The following SIAH2 variants were observed in gnomAD, a reference collection of about 807,000 sequenced individuals.
SIAH2 encodes the protein siah E3 ubiquitin protein ligase 2.
A neutral mutation model predicts 20.4 loss-of-function variants in SIAH2; 4 were observed. The observed-to-expected ratio is 0.20, with a 90% CI of 0.10 to 0.45. The LOEUF (loss-of-function observed/expected upper bound fraction) is 0.45. Among genes scored for constraint, SIAH2 ranks in the 20% least tolerant of loss-of-function variants. SIAH2 has a pLI of 0.99. For synonymous variants in SIAH2, 171 were observed against 192.5 expected (o/e 0.89, Z 0.93); for missense variants, 259 against 440.3 (o/e 0.59, Z 3.69).
In SIAH2 at chr3:150,762,877, G is replaced by T; in HGVS notation, c.-28C>A. 8.5e-7 allele frequency: 1 copy of T among 1,177,540 alleles called. No homozygotes were observed. The highest frequency in any genetic ancestry group is 3.7e-5 in the South Asian group (1 of 26,806). 72.9% of individuals were successfully genotyped at this position (1,177,540 alleles called of 1,614,324 possible). On this transcript the variant is annotated 5_prime_UTR_variant, in exon 1 of 2. Coordinates refer to ENST00000312960, the MANE Select transcript of SIAH2 (RefSeq NM_005067.7). This position sits in a 1 kb window ranked among gnomAD's most constrained non-coding sequence, Gnocchi z 6.6. The stretch of plus-strand genomic sequence containing the variant: ...CGCTCCGAACCAACCATGGAACTGC[G>T]GGCGCCTGCCTGCCGCGGGGCCGCC...
In SIAH2 at chr3:150,742,597, A is replaced by G. The variant is rs1322465440; in HGVS notation, c.519T>C (p.Ala173=). Residue 173 remains alanine (A), a synonymous_variant, in exon 2 of 2, where the codon GCT becomes GCC. Transcript: ENST00000312960. The surrounding 1 kb of genome is among the most constrained non-coding windows in gnomAD (Gnocchi z 4.8). ...YRPYSCPCPG[A]SCKWQGSLEA... is the part of the protein sequence containing the mutation. Reference sequence around the variant, plus strand: ...CCAGGGACCCCTGCCACTTGCAGGAAGCACCAGGACATGGGCAGGAGTAGG... The same window carrying G: ...CCAGGGACCCCTGCCACTTGCAGGAGGCACCAGGACATGGGCAGGAGTAGG... 1 of 1,613,302 alleles carries G rather than the reference A, an allele frequency of 6.2e-7. No individual in the cohort carries two copies. Among genetic ancestry groups the G allele is most frequent in the Admixed American group, 1.7e-5 (1 of 59,924 alleles).
Position 150,742,013 on chromosome 3 carries a change from G to A in SIAH2, c.*128C>T. On this transcript the variant is annotated 3_prime_UTR_variant, in exon 2 of 2. Transcript: ENST00000312960. This position sits in a 1 kb window ranked among gnomAD's most constrained non-coding sequence, Gnocchi z 4.8. ...GGTCGAAGCCAGATGGGACACTGCT[G>A]TTCAAACAAAACACGGGTAATTGTG... is the stretch of plus-strand genomic sequence containing the variant. The A allele has an allele frequency of 2.1e-6, 2 of 944,344 alleles. No individual in the cohort carries two copies. Among genetic ancestry groups the A allele is most frequent in the Non-Finnish European group, 3.1e-6 (2 of 635,444 alleles). The allele number at this position is 944,344 out of a possible 1,614,324, so 58.5% of individuals were successfully genotyped here.
At chr3:150,745,275 A>ACC (rs1237763747) in intron 1 of SIAH2, among the ~76,000 whole-genome samples, 3 of 148,416 alleles carry the variant, frequency 2.0e-5, no homozygotes, top group African/African-American at 7.6e-5. Context: ...ACACACACAC[A>ACC]CACCCCACAT....
chr3:150,741,862 G>A lies in SIAH2; in HGVS notation c.*279C>T, dbSNP rs1002272025. ...ACACACTGATCTATAGAAGCCCTGT[G>A]CAACAGCCTGTCAAGTGTTGTTTAG... On this transcript the variant is annotated 3_prime_UTR_variant, in exon 2 of 2. Transcript: ENST00000312960. The A allele has an allele frequency of 5.4e-6, 2 of 367,076 alleles. No individual in the cohort carries two copies. Among genetic ancestry groups the A allele is most frequent in the Non-Finnish European group, 9.9e-6 (2 of 201,154 alleles). 22.7% of individuals were successfully genotyped at this position (367,076 alleles called of 1,614,324 possible). A position where few individuals can be genotyped will look rare whatever the true frequency, so the allele number is the denominator to read the frequency against.
chr3:150,753,485 G>C lies in SIAH2; in HGVS notation c.417+8948C>G, dbSNP rs532496438. ...CCATTCTAAGGGAGAAAACAATTTGGTTCTACTATCAAAAAGCTTCAATTT... is the reference window on the plus strand; with the variant it reads ...CCATTCTAAGGGAGAAAACAATTTGCTTCTACTATCAAAAAGCTTCAATTT... On this transcript the variant is annotated intron_variant, in intron 1 of 1. Coordinates refer to ENST00000312960, the MANE Select transcript of SIAH2 (RefSeq NM_005067.7). Among the ~76,000 whole-genome samples, 21 of 152,300 alleles carry C rather than the reference G, an allele frequency of 1.4e-4. 1 individual carries two copies. The East Asian group carries it at 2.5e-3, about 18-fold the overall frequency.
intron 1 of SIAH2, among the ~76,000 whole-genome samples, chr3:150,747,552 G>C (rs554000510): frequency 6.6e-6 from 1 of 152,166 alleles, no homozygotes; most frequent in Non-Finnish European, 1.5e-5. Context: ...TTCTCCTTAG[G>C]GAAATATCTG....
In SIAH2 at chr3:150,762,828, C is replaced by T; in HGVS notation, c.22G>A (p.Gly8Ser). The T allele has an allele frequency of 7.4e-6, 9 of 1,217,068 alleles. No individual in the cohort carries two copies. The highest frequency in any genetic ancestry group is 9.3e-6 in the Non-Finnish European group (9 of 964,332). The allele number at this position is 1,217,068 out of a possible 1,614,324, so 75.4% of individuals were successfully genotyped here. The change falls in exon 1 of 2, where the codon GGC becomes AGC. Residue 8 changes from glycine (G) to serine (S), a missense_variant. Physicochemically the swap from Gly to Ser is moderately conservative, Grantham distance 56. Coordinates refer to ENST00000312960, the MANE Select transcript of SIAH2 (RefSeq NM_005067.7). This position sits in a 1 kb window ranked among gnomAD's most constrained non-coding sequence, Gnocchi z 6.6. ...CTGCAGGGTTTATTAGCGCTGGGGC[C>T]GGTGGAGGACGGGCGGCTCATCGCG... MSRPSST[G>S]PSANKPCSKQ...
Position 150,762,921 on chromosome 3 carries a change from GC to G in SIAH2, c.-73del. ...GGCCGCCCGGGTCAAGGCGGTGCGC[GC>G]CCCGCGGGCAGCGAGCTCCGAGGCA... On this transcript the variant is annotated 5_prime_UTR_variant, in exon 1 of 2. Coordinates refer to ENST00000312960, the MANE Select transcript of SIAH2 (RefSeq NM_005067.7). This position sits in a 1 kb window ranked among gnomAD's most constrained non-coding sequence, Gnocchi z 6.6. The G allele has an allele frequency of 8.9e-7, 1 of 1,119,702 alleles. No homozygotes were observed. Among genetic ancestry groups the G allele is most frequent in the Non-Finnish European group, 1.1e-6 (1 of 908,194 alleles). The allele number at this position is 1,119,702 out of a possible 1,614,324, so 69.4% of individuals were successfully genotyped here.
At chr3:150,751,579 CT>C (rs1222736542) in intron 1 of SIAH2, among the ~76,000 whole-genome samples, 2 of 152,208 alleles carry the variant, frequency 1.3e-5, no homozygotes, top group South Asian at 2.1e-4. Context: ...TTACTGTTCA[CT>C]TTACTAAATT....
chr3:150,757,129 G>GT (rs1714500261), intron 1 of SIAH2, among the ~76,000 whole-genome samples: 1 of 152,082 alleles, frequency 6.6e-6, no homozygotes, highest in African/African-American at 2.4e-5. Flanking sequence ...CGTCATCTCC[G>GT]TTCTTTCTAA....
In SIAH2 at chr3:150,742,044, TG is replaced by T; in HGVS notation, c.*96del. On this transcript the variant is annotated 3_prime_UTR_variant, in exon 2 of 2. Transcript: ENST00000312960. The surrounding 1 kb of genome is among the most constrained non-coding windows in gnomAD (Gnocchi z 4.8). Reference sequence around the variant, plus strand: ...ACAAAACACGGGTAATTGTGGGTCCTGACTTGTGAAGACATATGGAATAAAA... The same window carrying T: ...ACAAAACACGGGTAATTGTGGGTCCTACTTGTGAAGACATATGGAATAAAA... The T allele has an allele frequency of 8.3e-7, 1 of 1,209,344 alleles. No individual in the cohort carries two copies. Among genetic ancestry groups the T allele is most frequent in the Non-Finnish European group, 1.2e-6 (1 of 865,034 alleles). 74.9% of individuals were successfully genotyped at this position (1,209,344 alleles called of 1,614,324 possible). A position where few individuals can be genotyped will look rare whatever the true frequency, so the allele number is the denominator to read the frequency against.
chr3:150,751,160 G>A (rs1394651728), intron 1 of SIAH2, among the ~76,000 whole-genome samples: 1 of 152,140 alleles, frequency 6.6e-6, no homozygotes, highest in African/African-American at 2.4e-5. Context: ...GGCCTGACAC[G>A]GTGGCTCATG....
chr3:150,758,240 T>C (rs1427305228), intron 1 of SIAH2, among the ~76,000 whole-genome samples: 2 of 152,028 alleles, frequency 1.3e-5, no homozygotes, highest in Non-Finnish European at 2.9e-5. Flanking sequence ...TCAAATTCAA[T>C]AATTATTTGG....
Position 150,762,271 on chromosome 3 carries a change from C to T in SIAH2, c.417+162G>A, listed in dbSNP as rs1714632047. 7.1e-7 allele frequency: 1 copy of T among 1,403,656 alleles called. No individual in the cohort carries two copies. The allele number at this position is 1,403,656 out of a possible 1,614,324, so 87.0% of individuals were successfully genotyped here. ...CGGTAAATGTCAACCCAGACCTACACCCAAAGTGGGCTTGAGGGAGGGTGG... is the reference window on the plus strand; with the variant it reads ...CGGTAAATGTCAACCCAGACCTACATCCAAAGTGGGCTTGAGGGAGGGTGG... On this transcript the variant is annotated intron_variant, in intron 1 of 1. Coordinates refer to ENST00000312960, the MANE Select transcript of SIAH2 (RefSeq NM_005067.7). This position sits in a 1 kb window ranked among gnomAD's most constrained non-coding sequence, Gnocchi z 6.6.
intron 1 of SIAH2, among the ~76,000 whole-genome samples, chr3:150,757,978 C>T (rs1714520198): frequency 6.6e-6 from 1 of 152,194 alleles, no homozygotes; most frequent in Non-Finnish European, 1.5e-5. Flanking sequence ...ACCATCTCCA[C>T]TGCTCCTCCA....
At position 150,759,202 on chromosome 3, in the gene SIAH2, C is replaced by T. The variant is rs139260717; in HGVS notation, c.417+3231G>A. Among the ~76,000 whole-genome samples the T allele has an allele frequency of 5.5e-3, 837 of 152,264 alleles. 27 individuals are homozygous for T. The South Asian group carries it at 0.077, about 14-fold the overall frequency. ...CAAAGATCTGAGCTAATAATGCATC[C>T]GGTTCCCCATATCAAAGGTGCTGGC... On this transcript the variant is annotated intron_variant, in intron 1 of 1. Coordinates refer to ENST00000312960, the MANE Select transcript of SIAH2 (RefSeq NM_005067.7).
At chr3:150,755,321 CCTT>C (rs1471828593) in intron 1 of SIAH2, among the ~76,000 whole-genome samples, 2 of 138,064 alleles carry the variant, frequency 1.4e-5, no homozygotes, top group African/African-American at 5.4e-5. Flanking sequence ...TCTTTTCTTC[CCTT>C]TTTTTTTTTT....
Position 150,742,387 on chromosome 3 carries a change from C to A in SIAH2, c.729G>T (p.Gln243His). 1 of 1,614,190 alleles carries A rather than the reference C, an allele frequency of 6.2e-7. No homozygotes were observed. The highest frequency in any genetic ancestry group is 8.5e-7 in the Non-Finnish European group (1 of 1,180,040). ...LEKQEKYEGH[Q>H]QFFAIVLLIG... is the part of the protein sequence containing the mutation. ...TGAGCAGGACGATGGCAAAAAACTG[C>A]TGGTGGCCTTCGTACTTCTCTTGTT... is the stretch of plus-strand genomic sequence containing the variant. The change falls in exon 2 of 2, where the codon CAG (glutamine) becomes CAT (histidine). Residue 243 changes from glutamine (Q) to histidine (H), a missense_variant. Coordinates refer to ENST00000312960, the MANE Select transcript of SIAH2 (RefSeq NM_005067.7). This position sits in a 1 kb window ranked among gnomAD's most constrained non-coding sequence, Gnocchi z 4.8.
chr3:150,759,263 A>T (rs1382268446), intron 1 of SIAH2, among the ~76,000 whole-genome samples: 1 of 152,156 alleles, frequency 6.6e-6, no homozygotes, highest in Non-Finnish European at 1.5e-5. Context: ...CCTAAACCTA[A>T]GTGGGATAGT....
Sources: gnomAD v4.1 joint callset for allele counts (sites outside exome capture counted in the v4.1 genomes callset) on GRCh38, gnomAD v4.1.1 for gene constraint, Gnocchi (gnomAD v3.1) non-coding constraint, MANE v1.5 for transcripts, NCBI Gene and HGNC (gene_info 2026-07-23, HGNC 2026-07-21) for gene names.